GRIN2A: variants seen among roughly 807,000 people sequenced by gnomAD.
The protein encoded by GRIN2A is glutamate ionotropic receptor NMDA type subunit 2A.
Under a neutral mutation model 113.4 loss-of-function variants are expected in GRIN2A, and 22 were observed. That is an observed-to-expected ratio of 0.19 (90% CI 0.14 to 0.28). The LOEUF is 0.28. GRIN2A is among the 10% of genes least tolerant of loss of function. GRIN2A has a pLI of 1.00. For missense variants in GRIN2A, 1,502 were observed against 1,887.0 expected (o/e 0.80, Z 3.78); for synonymous variants, 827 against 738.4 (o/e 1.12, Z -1.94).
Position 9,777,575 on chromosome 16 carries a change from G to T in GRIN2A, c.2357-8486C>A, listed in dbSNP as rs532369787. Among the ~76,000 whole-genome samples the T allele has an allele frequency of 3.9e-5, 6 of 152,304 alleles. No homozygotes were observed. In the South Asian group the frequency reaches 6.2e-4, roughly 16 times the overall value. Reference sequence around the variant, plus strand: ...TAGGCTTAAATGTATCCAGTTAGAGGCAGGGACAGGCTGTCTTTGGCATAA... The same window carrying T: ...TAGGCTTAAATGTATCCAGTTAGAGTCAGGGACAGGCTGTCTTTGGCATAA... On this transcript the variant is annotated intron_variant, in intron 11 of 12. Coordinates refer to ENST00000330684, the MANE Select transcript of GRIN2A (RefSeq NM_001134407.3).
chr16:9,882,516 G>T (rs1046174124), intron 4 of GRIN2A, among the ~76,000 whole-genome samples: 2 of 152,190 alleles, frequency 1.3e-5, no homozygotes, highest in Non-Finnish European at 2.9e-5. Context: ...GCCGGGTGCG[G>T]TGCCTCATGC....
chr16:10,105,506 A>T (rs532458948), intron 2 of GRIN2A, among the ~76,000 whole-genome samples: 1 of 151,596 alleles, frequency 6.6e-6, no homozygotes, highest in African/African-American at 2.4e-5. Context: ...AAAAAAAATC[A>T]ATGGGGGAGG....
chr16:10,011,149 C>G lies in GRIN2A; in HGVS notation c.415-72598G>C, dbSNP rs148831767. 1.6e-3 allele frequency among the ~76,000 whole-genome samples: 239 copies of G among 152,266 alleles called. 3 individuals carry two copies. Among genetic ancestry groups the G allele is most frequent in the African/African-American group, 5.6e-3 (234 of 41,550 alleles). Reference sequence around the variant, plus strand: ...ATTTATGAATCAGTTTGAAATTACACGGTAATAGTTGTGCCTGCATTTTGA... The same window carrying G: ...ATTTATGAATCAGTTTGAAATTACAGGGTAATAGTTGTGCCTGCATTTTGA... On this transcript the variant is annotated intron_variant, in intron 2 of 12. Transcript: ENST00000330684.
rs1555449875 is a variant in GRIN2A at position 9,897,220 on chromosome 16, T to TATGTACATATTTTATATATA, written c.1008-6121_1008-6120insTATATATAAAATATGTACAT. 6.2e-3 allele frequency among the ~76,000 whole-genome samples: 507 copies of TATGTACATATTTTATATATA among 81,396 alleles called. 1 individual carries two copies. The highest frequency in any genetic ancestry group is 0.034 in the African/African-American group (476 of 14,118). 53.4% of individuals were successfully genotyped at this position (81,396 alleles called of 152,430 possible). A position where few individuals can be genotyped will look rare whatever the true frequency, so the allele number is the denominator to read the frequency against. On this transcript the variant is annotated intron_variant, in intron 3 of 12. Transcript: ENST00000330684. The stretch of plus-strand genomic sequence containing the variant: ...TATATATTTACATATTTTATATATA[T>TATGTACATATTTTATATATA]AAAAAAATACATAAAATACGTACAT...
At chr16:9,973,457 C>T (rs1221764169) in intron 2 of GRIN2A, among the ~76,000 whole-genome samples, 1 of 152,040 alleles carries the variant, frequency 6.6e-6, no homozygotes, top group African/African-American at 2.4e-5. Context: ...ATAATTTTTG[C>T]AAAGGTGGTT....
intron 2 of GRIN2A, among the ~76,000 whole-genome samples, chr16:10,018,703 TCACTCCCCACACACCGTG>T (rs1452627249): frequency 6.6e-6 from 1 of 152,138 alleles, no homozygotes; most frequent in African/African-American, 2.4e-5. Flanking sequence ...GCACTGCCAG[TCACTCCCCACACACCGTG>T]CACCCCAGCT....
chr16:10,095,390 T>C lies in GRIN2A; in HGVS notation c.414+84608A>G, dbSNP rs545444292. 3.3e-5 allele frequency among the ~76,000 whole-genome samples: 5 copies of C among 152,264 alleles called. No individual in the cohort carries two copies. The South Asian group carries it at 1.0e-3, about 32-fold the overall frequency. On this transcript the variant is annotated intron_variant, in intron 2 of 12. Coordinates refer to ENST00000330684, the MANE Select transcript of GRIN2A (RefSeq NM_001134407.3). ...ATCTGAGACAATTTAAGCATAAATA[T>C]AAATAACGACAGTAATGGATTATAA...
At chr16:10,012,931 A>G (rs906972986) in intron 2 of GRIN2A, among the ~76,000 whole-genome samples, 1 of 152,218 alleles carries the variant, frequency 6.6e-6, no homozygotes, top group Non-Finnish European at 1.5e-5. Context: ...TTTCAGCAAT[A>G]GGCAACTAAT....
intron 2 of GRIN2A, among the ~76,000 whole-genome samples, chr16:10,049,958 A>T (rs2047329319): frequency 6.6e-6 from 1 of 152,140 alleles, no homozygotes; most frequent in African/African-American, 2.4e-5. Flanking sequence ...TCACTCCCAT[A>T]TTTATACTCA....
rs1052726019 is a variant in GRIN2A at position 9,924,788 on chromosome 16, G to A, written c.1007+13171C>T. Among the ~76,000 whole-genome samples, 3 of 152,112 alleles carry A rather than the reference G, an allele frequency of 2.0e-5. No individual in the cohort carries two copies. The South Asian group carries it at 6.2e-4, about 32-fold the overall frequency. ...TTCACTGATTTTTTTCTTCTTCAAT[G>A]TCAAACCTGCCATTAATCCATCCAG... On this transcript the variant is annotated intron_variant, in intron 3 of 12. Transcript: ENST00000330684.
chr16:9,888,453 A>G (rs1317429654), intron 4 of GRIN2A, among the ~76,000 whole-genome samples: 1 of 149,862 alleles, frequency 6.7e-6, no homozygotes, highest in East Asian at 1.9e-4. Flanking sequence ...GTGTGCATGC[A>G]TAATGTGAGC....
intron 2 of GRIN2A, among the ~76,000 whole-genome samples, chr16:10,015,091 T>C (rs780925835): frequency 2.7e-5 from 4 of 150,698 alleles, no homozygotes; most frequent in Non-Finnish European, 4.4e-5. Context: ...TCATCTCTAC[T>C]AAAAGTACAA....
intron 2 of GRIN2A, among the ~76,000 whole-genome samples, chr16:9,995,870 G>T (rs1370045569): frequency 6.6e-6 from 1 of 151,848 alleles, no homozygotes; most frequent in Non-Finnish European, 1.5e-5. Context: ...GATCATCAAT[G>T]AGTCTAAGAT....
intron 2 of GRIN2A, among the ~76,000 whole-genome samples, chr16:10,075,454 G>A (rs1236027231): frequency 6.6e-6 from 1 of 152,104 alleles, no homozygotes; most frequent in African/African-American, 2.4e-5. Flanking sequence ...GGGCGGAATG[G>A]AGAGTGATTG....
At chr16:10,084,508 G>A (rs1337506004) in intron 2 of GRIN2A, among the ~76,000 whole-genome samples, 1 of 152,098 alleles carries the variant, frequency 6.6e-6, no homozygotes, top group East Asian at 1.9e-4. Context: ...TTCATAGGCG[G>A]CAAGAAAAAG....
chr16:10,011,615 G>A (rs1350041386), intron 2 of GRIN2A, among the ~76,000 whole-genome samples: 1 of 152,196 alleles, frequency 6.6e-6, no homozygotes, highest in Non-Finnish European at 1.5e-5. Flanking sequence ...GATCCCTAGA[G>A]AGGCTCTCCT....
At chr16:10,061,663 G>A (rs1432238717) in intron 2 of GRIN2A, among the ~76,000 whole-genome samples, 1 of 152,156 alleles carries the variant, frequency 6.6e-6, no homozygotes, top group South Asian at 2.1e-4. Context: ...TAAACTCTAA[G>A]TGCCTCTTTT....
At chr16:9,974,750 A>C (rs1160646551) in intron 2 of GRIN2A, among the ~76,000 whole-genome samples, 2 of 152,226 alleles carry the variant, frequency 1.3e-5, no homozygotes, top group African/African-American at 4.8e-5. Flanking sequence ...AAGATGTTTC[A>C]TGTGATCCCT....
At chr16:9,776,797 C>T (rs561786785) in intron 11 of GRIN2A, among the ~76,000 whole-genome samples, 3 of 151,576 alleles carry the variant, frequency 2.0e-5, no homozygotes, top group Non-Finnish European at 2.9e-5. Context: ...CTCAGAAGCC[C>T]GATTGGAATT....
Sources: allele counts gnomAD v4.1 joint callset (sites outside exome capture counted in the v4.1 genomes callset), GRCh38; gene constraint gnomAD v4.1.1; transcripts MANE v1.5; gene names NCBI Gene and HGNC (gene_info 2026-07-23, HGNC 2026-07-21).